The following RBM47 variants were observed in gnomAD, a reference collection of about 807,000 sequenced individuals.
The protein encoded by RBM47 is RNA-binding protein 47.
In RBM47, 21 loss-of-function variants were observed where a neutral mutation model predicts 47.1. The ratio of observed to expected loss-of-function variants is 0.45; its 90% CI spans 0.32 to 0.64. The LOEUF is 0.64. Ranked by LOEUF, RBM47 falls within the 30% of genes least tolerant of loss-of-function variation. RBM47 has a pLI of 0.05. For missense variants in RBM47, 708 were observed against 870.9 expected (o/e 0.81, Z 2.35); for synonymous variants, 375 against 361.7 (o/e 1.04, Z -0.42).
At chr4:40,618,238 A>AAAAAAAG (rs1032874957) in intron 1 of RBM47, among the ~76,000 whole-genome samples, 1 of 151,692 alleles carries the variant, frequency 6.6e-6, no homozygotes, top group African/African-American at 2.4e-5. Flanking sequence ...AGACCCTCAA[A>AAAAAAAG]AAAAAAGAAA....
chr4:40,581,570 A>C (rs1732949364), intron 1 of RBM47, among the ~76,000 whole-genome samples: 1 of 152,030 alleles, frequency 6.6e-6, no homozygotes, highest in South Asian at 2.1e-4. Context: ...TTCTTGGAGG[A>C]AGACTTCTTC....
chr4:40,541,643 C>T (rs1051516920), intron 2 of RBM47, among the ~76,000 whole-genome samples: 1 of 151,854 alleles, frequency 6.6e-6, no homozygotes, highest in African/African-American at 2.4e-5. Flanking sequence ...GAGGCTGAGG[C>T]ACGAGAATTG....
intron 2 of RBM47, among the ~76,000 whole-genome samples, chr4:40,490,334 G>A (rs959209309): frequency 2.6e-5 from 4 of 151,954 alleles, no homozygotes; most frequent in Non-Finnish European, 5.9e-5. Context: ...TATGGGAAAG[G>A]AAGAAATAAA....
chr4:40,563,381 T>TA (rs1730811023), intron 1 of RBM47, among the ~76,000 whole-genome samples: 1 of 151,874 alleles, frequency 6.6e-6, no homozygotes, highest in East Asian at 1.9e-4. Flanking sequence ...TCCCCATCTT[T>TA]AAAAAAATGA....
rs138922294 is a variant in RBM47, at chr4:40,526,018, A to C, written c.-155+18404T>G. 7.2e-5 allele frequency among the ~76,000 whole-genome samples: 11 copies of C among 152,310 alleles called. No individual in the cohort carries two copies. In the East Asian group the frequency reaches 1.7e-3, roughly 24 times the overall value. ...GCTCAAAGGAGAGGCAACAAGAAGA[A>C]AAAGAAAAAGAAGGACAAACTGAAA... On this transcript the variant is annotated intron_variant, in intron 2 of 6. Coordinates refer to ENST00000295971, the MANE Select transcript of RBM47 (RefSeq NM_001098634.2).
chr4:40,503,987 A>G (rs1723743303), intron 2 of RBM47, among the ~76,000 whole-genome samples: 1 of 152,118 alleles, frequency 6.6e-6, no homozygotes, highest in African/African-American at 2.4e-5. Flanking sequence ...AGCCTGGGCA[A>G]CATAGTGAGA....
At chr4:40,621,379 C>T (rs1472876058) in intron 1 of RBM47, among the ~76,000 whole-genome samples, 1 of 152,194 alleles carries the variant, frequency 6.6e-6, no homozygotes. Flanking sequence ...ACAAACATGA[C>T]AGATCAGAGA....
intron 2 of RBM47, among the ~76,000 whole-genome samples, chr4:40,511,007 T>C (rs986403973): frequency 1.3e-5 from 2 of 152,212 alleles, no homozygotes; most frequent in African/African-American, 4.8e-5. Context: ...TTACTTAAGA[T>C]CTTGAGTTGC....
intron 1 of RBM47, among the ~76,000 whole-genome samples, chr4:40,556,555 C>T (rs764122007): frequency 3.3e-5 from 5 of 151,844 alleles, no homozygotes; most frequent in South Asian, 2.1e-4. Context: ...TGGCAAAAAC[C>T]GCAATTACTT....
chr4:40,464,640 C>T (rs541369344), intron 3 of RBM47, among the ~76,000 whole-genome samples: 2 of 151,958 alleles, frequency 1.3e-5, no homozygotes, highest in South Asian at 4.2e-4. Context: ...TGGCTCACGC[C>T]TGTAATACCA....
intron 2 of RBM47, among the ~76,000 whole-genome samples, chr4:40,533,360 G>A (rs1172452643): frequency 6.6e-6 from 1 of 151,588 alleles, no homozygotes; most frequent in African/African-American, 2.4e-5. Flanking sequence ...CTTGAACTCG[G>A]GAGGCAGAAG....
At chr4:40,488,178 G>C (rs920106249) in intron 2 of RBM47, among the ~76,000 whole-genome samples, 1 of 152,032 alleles carries the variant, frequency 6.6e-6, no homozygotes, top group Admixed American at 6.6e-5. Context: ...AGCCAGTGTA[G>C]TGGTGCGCAC....
At chr4:40,541,554 T>G (rs1560456948) in intron 2 of RBM47, among the ~76,000 whole-genome samples, 1 of 152,000 alleles carries the variant, frequency 6.6e-6, no homozygotes, top group African/African-American at 2.4e-5. Flanking sequence ...CTGGCCAACA[T>G]GGTGAAAACC....
chr4:40,434,002 G>GGGT lies in RBM47; in HGVS notation c.1331-1141_1331-1140insACC, dbSNP rs1213913858. Among the ~76,000 whole-genome samples, 6 of 45,632 alleles carry GGGT rather than the reference G, an allele frequency of 1.3e-4. 1 individual carries two copies. The highest frequency in any genetic ancestry group is 4.0e-4 in the Non-Finnish European group (6 of 15,026). The allele number at this position is 45,632 out of a possible 152,430, so 29.9% of individuals were successfully genotyped here. ...TGTGAGTGTGTGTGTGTGGGGCGGG[G>GGGT]GTGTGTGTGTGTGTGTGTGTGTGTG... On this transcript the variant is annotated intron_variant, in intron 5 of 6. Coordinates refer to ENST00000295971, the MANE Select transcript of RBM47 (RefSeq NM_001098634.2).
chr4:40,536,715 G>GTTTTTTTT (rs1728020426), intron 2 of RBM47, among the ~76,000 whole-genome samples: 1 of 140,500 alleles, frequency 7.1e-6, no homozygotes. Flanking sequence ...GTGTGTGTGT[G>GTTTTTTTT]TGTTTTTGTT....
chr4:40,559,401 T>C lies in RBM47; in HGVS notation c.-239-14895A>G, dbSNP rs552194443. 1.2e-3 allele frequency among the ~76,000 whole-genome samples: 190 copies of C among 152,320 alleles called. 2 individuals carry two copies. The highest frequency in any genetic ancestry group is 4.4e-3 in the African/African-American group (183 of 41,570). On this transcript the variant is annotated intron_variant, in intron 1 of 6. Coordinates refer to ENST00000295971, the MANE Select transcript of RBM47 (RefSeq NM_001098634.2). ...ACAATAACGAATCAAGTGACATGGG[T>C]ATGCAAGCATCATTTCAGAAACTAT...
intron 2 of RBM47, among the ~76,000 whole-genome samples, chr4:40,477,713 G>T (rs1197232471): frequency 6.6e-6 from 1 of 152,122 alleles, no homozygotes; most frequent in African/African-American, 2.4e-5. Context: ...GACTAAGGGG[G>T]TAAGGAGAGA....
At chr4:40,484,318 C>T (rs144928271) in intron 2 of RBM47, among the ~76,000 whole-genome samples, 3 of 152,076 alleles carry the variant, frequency 2.0e-5, no homozygotes, top group Non-Finnish European at 4.4e-5. Context: ...TTTGATAAAA[C>T]GAACCTATTT....
rs1190883001 is a variant in RBM47, at chr4:40,583,870, AC to A, written c.-239-39365del. ...GAGACTCCGTCTCAAAAAAAAAAAA[AC>A]AAAAAACAAAAAACAAAAAAACCAA... On this transcript the variant is annotated intron_variant, in intron 1 of 6. Coordinates refer to ENST00000295971, the MANE Select transcript of RBM47 (RefSeq NM_001098634.2). Among the ~76,000 whole-genome samples the A allele has an allele frequency of 7.3e-4, 40 of 54,716 alleles. 3 individuals are homozygous for A. Among genetic ancestry groups the A allele is most frequent in the Non-Finnish European group, 9.2e-4 (22 of 23,844 alleles). 35.9% of individuals were successfully genotyped at this position (54,716 alleles called of 152,430 possible).
Sources: gnomAD v4.1 joint callset for allele counts (sites outside exome capture counted in the v4.1 genomes callset) on GRCh38, gnomAD v4.1.1 for gene constraint, MANE v1.5 for transcripts, NCBI Gene and HGNC (gene_info 2026-07-23, HGNC 2026-07-21) for gene names.